OSBPL8: variants seen among roughly 807,000 people sequenced by gnomAD.
The protein encoded by OSBPL8 is oxysterol binding protein like 8, also known as oxysterol-binding protein-related protein 8.
In OSBPL8, 59 loss-of-function variants were observed where a neutral mutation model predicts 125.5. The ratio of observed to expected loss-of-function variants is 0.47; its 90% CI spans 0.38 to 0.58. The LOEUF (loss-of-function observed/expected upper bound fraction) is 0.58. Among genes scored for constraint, OSBPL8 ranks in the 20% least tolerant of loss-of-function variants. The pLI, the probability that OSBPL8 is intolerant of heterozygous loss-of-function variation, is 0.00. For missense variants in OSBPL8, 758 were observed against 1,047.8 expected, an observed-to-expected ratio of 0.72 and a Z score of 3.82; for synonymous variants, 330 against 338.9, an observed-to-expected ratio of 0.97 and a Z score of 0.29.
chr12:76,396,023 A>G (rs1953782670), intron 8 of OSBPL8, among the ~76,000 whole-genome samples: 1 of 150,594 alleles, frequency 6.6e-6, no homozygotes, highest in South Asian at 2.1e-4. Flanking sequence ...ATATGTGTGT[A>G]TATATAGTAT....
At chr12:76,407,388 T>G (rs529344179) in intron 5 of OSBPL8, among the ~76,000 whole-genome samples, 1 of 152,250 alleles carries the variant, frequency 6.6e-6, no homozygotes, top group East Asian at 1.9e-4. Context: ...GTAGCTGGGA[T>G]CACAGGCATG....
rs553590828 is a variant in OSBPL8, at chr12:76,402,605, T to C, written c.366+84A>G. 9 of 945,048 alleles carry C rather than the reference T, an allele frequency of 9.5e-6. 1 individual carries two copies. Among genetic ancestry groups the C allele is most frequent in the South Asian group, 8.8e-5 (6 of 68,570 alleles). The allele number at this position is 945,048 out of a possible 1,614,324, so 58.5% of individuals were successfully genotyped here. ...TTTTTTCTTTCTTTAGGAACACACA[T>C]ATATATTTATCCTATTAGTCTACTT... On this transcript the variant is annotated intron_variant, in intron 6 of 23. Coordinates refer to ENST00000261183, the MANE Select transcript of OSBPL8 (RefSeq NM_020841.5).
chr12:76,420,361 T>C (rs1364778085), intron 4 of OSBPL8, among the ~76,000 whole-genome samples: 1 of 152,090 alleles, frequency 6.6e-6, no homozygotes, highest in Non-Finnish European at 1.5e-5. Context: ...GTACGTACTG[T>C]TCTAGAGATT....
chr12:76,453,001 T>C lies in OSBPL8; in HGVS notation c.80-2013A>G, dbSNP rs557782369. ...AATTTCAACATGGCACAATTTGGCA[T>C]TTTTTTTTTTTTAGGGTTAGTACCC... On this transcript the variant is annotated intron_variant, in intron 3 of 23. Transcript: ENST00000261183. 2.4e-3 allele frequency among the ~76,000 whole-genome samples: 275 copies of C among 112,974 alleles called. 1 individual carries two copies. In the Middle Eastern group the frequency reaches 0.029, roughly 12 times the overall value. The allele number at this position is 112,974 out of a possible 152,430, so 74.1% of individuals were successfully genotyped here. A position where few individuals can be genotyped will look rare whatever the true frequency, so the allele number is the denominator to read the frequency against.
chr12:76,554,998 T>C (rs1262997111), intron 1 of OSBPL8, among the ~76,000 whole-genome samples: 2 of 152,162 alleles, frequency 1.3e-5, no homozygotes, highest in South Asian at 2.1e-4. Context: ...GATTCATAAA[T>C]GAACAGCTAC....
chr12:76,369,346 CAAAG>C (rs779920997), intron 20 of OSBPL8, 45 bp from the exon 21 acceptor site: 2 of 1,543,768 alleles, frequency 1.3e-6, no homozygotes, highest in Admixed American at 4.4e-5. Flanking sequence ...AATGACTAAA[CAAAG>C]AACTTTAAAA....
chr12:76,432,229 T>C (rs1459770934), intron 4 of OSBPL8, among the ~76,000 whole-genome samples: 1 of 151,888 alleles, frequency 6.6e-6, no homozygotes, highest in Non-Finnish European at 1.5e-5. Flanking sequence ...TTACTAAAAT[T>C]TGTGGAATGT....
chr12:76,539,112 G>C (rs1592880733), intron 1 of OSBPL8, among the ~76,000 whole-genome samples: 1 of 146,692 alleles, frequency 6.8e-6, no homozygotes, highest in Non-Finnish European at 1.5e-5. Context: ...AGTATATTTT[G>C]AACCACCTAC....
chr12:76,467,488 C>T (rs1338903724), intron 2 of OSBPL8, among the ~76,000 whole-genome samples: 1 of 152,232 alleles, frequency 6.6e-6, no homozygotes, highest in Non-Finnish European at 1.5e-5. Context: ...ATCTTTGTAT[C>T]AGAGATAGTA....
intron 1 of OSBPL8, among the ~76,000 whole-genome samples, chr12:76,509,673 T>A (rs1880781953): frequency 6.6e-6 from 1 of 152,086 alleles, no homozygotes; most frequent in Non-Finnish European, 1.5e-5. Context: ...AAAATGATGA[T>A]GATAATAATG....
Position 76,450,095 on chromosome 12 carries a change from C to G in OSBPL8, c.217+756G>C, listed in dbSNP as rs190941402. 8.5e-3 allele frequency among the ~76,000 whole-genome samples: 1,301 copies of G among 152,254 alleles called. 6 individuals carry two copies. Among genetic ancestry groups the G allele is most frequent in the South Asian group, 0.024 (116 of 4,822 alleles). ...TTAAGCTAGACATTAAAGTGATTTG[C>G]AAAAACCGCCAAAAAGCAGTTCTTA... On this transcript the variant is annotated intron_variant, in intron 4 of 23. Coordinates refer to ENST00000261183, the MANE Select transcript of OSBPL8 (RefSeq NM_020841.5).
At chr12:76,516,310 GCA>G (rs1045495312) in intron 1 of OSBPL8, among the ~76,000 whole-genome samples, 6 of 152,150 alleles carry the variant, frequency 3.9e-5, no homozygotes, top group African/African-American at 1.4e-4. Flanking sequence ...AGAGAAATCT[GCA>G]CACATAAACC....
chr12:76,536,873 A>G (rs111464062), intron 1 of OSBPL8: 1 of 152,218 alleles, frequency 6.6e-6, no homozygotes, highest in African/African-American at 2.4e-5. Flanking sequence ...ACTCATTTAA[A>G]TGTTACAGTA....
At chr12:76,378,339 T>A in intron 16 of OSBPL8, 113 bp downstream of exon 16, 2 of 726,476 alleles carry the variant, frequency 2.8e-6, no homozygotes, top group Non-Finnish European at 4.5e-6. Flanking sequence ...AAGGATGCTT[T>A]CAAACAAAAT....
At chr12:76,537,387 G>A (rs1440350505) in intron 1 of OSBPL8, among the ~76,000 whole-genome samples, 2 of 152,158 alleles carry the variant, frequency 1.3e-5, no homozygotes, top group African/African-American at 4.8e-5. Context: ...TTTAATTAAA[G>A]AATGCAGGGT....
intron 5 of OSBPL8, among the ~76,000 whole-genome samples, chr12:76,404,882 C>A (rs1954192310): frequency 6.6e-6 from 1 of 152,068 alleles, no homozygotes; most frequent in Non-Finnish European, 1.5e-5. Flanking sequence ...GTCAGTGCCC[C>A]TAACTTGCAT....
intron 1 of OSBPL8, among the ~76,000 whole-genome samples, chr12:76,493,078 G>T (rs998048139): frequency 3.9e-5 from 6 of 152,132 alleles, no homozygotes; most frequent in African/African-American, 1.4e-4. Context: ...TCTCCACTCT[G>T]CCACCCTATC....
intron 2 of OSBPL8, among the ~76,000 whole-genome samples, chr12:76,472,930 G>A (rs557839386): frequency 4.6e-5 from 7 of 151,974 alleles, no homozygotes; most frequent in African/African-American, 1.2e-4. Context: ...AAACTCCCCC[G>A]GGGAAAGGGA....
intron 12 of OSBPL8, among the ~76,000 whole-genome samples, 187 bp downstream of exon 12, chr12:76,389,458 T>C (rs1953464591): frequency 6.6e-6 from 1 of 152,194 alleles, no homozygotes; most frequent in Non-Finnish European, 1.5e-5. Flanking sequence ...ACTTCATAAA[T>C]GGCAACATTA....
Sources: allele counts gnomAD v4.1 joint callset (sites outside exome capture counted in the v4.1 genomes callset), GRCh38; gene constraint gnomAD v4.1.1; transcripts MANE v1.5; gene names NCBI Gene and HGNC (gene_info 2026-07-23, HGNC 2026-07-21).